Variants in NDUFA10 observed in about 807,000 individuals in gnomAD.
NDUFA10 encodes NADH dehydrogenase [ubiquinone] 1 alpha subcomplex subunit 10, mitochondrial.
Under a neutral mutation model 47.8 loss-of-function variants are expected in NDUFA10, and 40 were observed. The ratio of observed to expected loss-of-function variants is 0.84; its 90% CI spans 0.65 to 1.09. NDUFA10 has a LOEUF of 1.09. Among genes scored for constraint, NDUFA10 ranks in the 50% least tolerant of loss-of-function variants. The probability of loss-of-function intolerance (pLI) is 0.00; values close to 1 mark genes in which losing one functional copy is unlikely to be tolerated. For missense variants in NDUFA10, 413 were observed against 451.1 expected, an observed-to-expected ratio of 0.92 and a Z score of 0.76; for synonymous variants, 183 against 172.2, an observed-to-expected ratio of 1.06 and a Z score of -0.49.
intron 4 of NDUFA10, among the ~76,000 whole-genome samples, chr2:239,936,919 C>A (rs1287172702): frequency 6.6e-6 from 1 of 152,202 alleles, no homozygotes; most frequent in Non-Finnish European, 1.5e-5. Context: ...ACAGTCGCGC[C>A]ACTGGACTCC....
chr2:239,959,997 T>C lies in NDUFA10; in HGVS notation c.*1121A>G. 2 of 985,232 alleles carry C rather than the reference T, an allele frequency of 2.0e-6. No homozygotes were observed. The highest frequency in any genetic ancestry group is 1.7e-5 in the African/African-American group (1 of 57,378). The allele number at this position is 985,232 out of a possible 1,614,324, so 61.0% of individuals were successfully genotyped here. A position where few individuals can be genotyped will look rare whatever the true frequency, so the allele number is the denominator to read the frequency against. On this transcript the variant is annotated 3_prime_UTR_variant, in exon 10 of 10. Transcript: ENST00000252711. ...ACTGGAACTACTGCCCACAGGCGGCTGTGGAGTGCCTGAACTATGGCCAGT... is the reference window on the plus strand; with the variant it reads ...ACTGGAACTACTGCCCACAGGCGGCCGTGGAGTGCCTGAACTATGGCCAGT...
downstream of NDUFA10, among the ~76,000 whole-genome samples, chr2:239,953,768 T>C (rs1225848102): frequency 6.6e-6 from 1 of 152,198 alleles, no homozygotes; most frequent in Non-Finnish European, 1.5e-5. Context: ...GGCTGGAGGC[T>C]TCAAGGCTGT....
intron 4 of NDUFA10, among the ~76,000 whole-genome samples, chr2:239,915,977 C>A (rs986455976): frequency 2.7e-5 from 4 of 148,408 alleles, no homozygotes; most frequent in Admixed American, 1.3e-4. Context: ...CATACACACA[C>A]ACACACACCC....
At chr2:239,940,809 C>T (rs1356529276) in intron 4 of NDUFA10, among the ~76,000 whole-genome samples, 1 of 152,164 alleles carries the variant, frequency 6.6e-6, no homozygotes, top group Non-Finnish European at 1.5e-5. Context: ...CACTGGATTT[C>T]CACTATACAG....
At chr2:240,007,984 T>A (rs777825031) in intron 6 of NDUFA10, among the ~76,000 whole-genome samples, 3 of 152,228 alleles carry the variant, frequency 2.0e-5, no homozygotes, top group African/African-American at 4.8e-5. Flanking sequence ...ATGTACAAGC[T>A]ATTTATTCTC....
In NDUFA10 at chr2:240,024,999, G is replaced by A. The variant is rs138729575; in HGVS notation, c.75+228C>T. On this transcript the variant is annotated intron_variant, in intron 1 of 9. Coordinates refer to ENST00000252711, the MANE Select transcript of NDUFA10 (RefSeq NM_004544.4). The stretch of plus-strand genomic sequence containing the variant: ...GCCCTGATCACCTCCGCGCTCCAGC[G>A]TTTTGCTTAAAGCTGAGATAAAATG... Among the ~76,000 whole-genome samples the A allele has an allele frequency of 4.5e-3, 679 of 152,264 alleles. 2 individuals carry two copies. The highest frequency in any genetic ancestry group is 7.7e-3 in the Non-Finnish European group (521 of 68,014).
intron 4 of NDUFA10, among the ~76,000 whole-genome samples, chr2:239,914,938 GAC>G (rs1426966049): frequency 1.4e-5 from 2 of 142,420 alleles, no homozygotes; most frequent in African/African-American, 5.5e-5. Context: ...TACAGAGAGA[GAC>G]ACAGAGATAT....
At chr2:239,930,799 AGGG>A (rs929741558) in intron 4 of NDUFA10, among the ~76,000 whole-genome samples, 1 of 150,900 alleles carries the variant, frequency 6.6e-6, no homozygotes, top group African/African-American at 2.4e-5. Context: ...AGGGTCCAGG[AGGG>A]GTGTGGCAGG....
At chr2:240,014,519 G>T in intron 5 of NDUFA10, 1 of 636,446 alleles carries the variant, frequency 1.6e-6, no homozygotes, top group Non-Finnish European at 2.8e-6. Flanking sequence ...GGACCGCAGA[G>T]CACTGGTGGG....
At chr2:239,995,074 T>C (rs1696412112) in intron 8 of NDUFA10, among the ~76,000 whole-genome samples, 1 of 152,126 alleles carries the variant, frequency 6.6e-6, no homozygotes. Context: ...TAGGAGTTTG[T>C]GACTAGGTGG....
rs143565537 is a variant in NDUFA10 at position 240,006,320 on chromosome 2, A to G, written c.804+996T>C. ...TCTGAGTAGAATAAACCAAGGTCTC[A>G]AAAGAACTTTACAACTGGTAGTAGG... On this transcript the variant is annotated intron_variant, in intron 7 of 9. Coordinates refer to ENST00000252711, the MANE Select transcript of NDUFA10 (RefSeq NM_004544.4). 4.8e-3 allele frequency among the ~76,000 whole-genome samples: 726 copies of G among 152,342 alleles called. 9 individuals are homozygous for G. The highest frequency in any genetic ancestry group is 0.016 in the African/African-American group (680 of 41,576).
rs535533692 is a variant in NDUFA10, at chr2:240,016,036, A to T, written c.548-1176T>A. Among the ~76,000 whole-genome samples the T allele has an allele frequency of 2.6e-5, 4 of 152,260 alleles. No homozygotes were observed. The East Asian group carries it at 7.7e-4, about 29-fold the overall frequency. On this transcript the variant is annotated intron_variant, in intron 4 of 9. Coordinates refer to ENST00000252711, the MANE Select transcript of NDUFA10 (RefSeq NM_004544.4). This position sits in a 1 kb window ranked among gnomAD's most constrained non-coding sequence, Gnocchi z 4.4. ...GCCAGTCTCCTAACCTAGTCTCAAA[A>T]TAAATAAATAAAAATTTTAAAAATT...
At chr2:240,009,078 C>A (rs764013597) in intron 6 of NDUFA10, among the ~76,000 whole-genome samples, 1 of 152,134 alleles carries the variant, frequency 6.6e-6, no homozygotes, top group African/African-American at 2.4e-5. Context: ...TAGCTCAGGG[C>A]CGAGGAGAGC....
At chr2:239,956,925 A>C (rs555220441), downstream of NDUFA10, among the ~76,000 whole-genome samples, 30 of 151,512 alleles carry the variant, frequency 2.0e-4, no homozygotes, top group African/African-American at 7.3e-4. Flanking sequence ...GTCGACAGTC[A>C]CTGCAGGTCC....
chr2:239,944,060 G>T (rs1279090751), intron 4 of NDUFA10, among the ~76,000 whole-genome samples: 3 of 152,192 alleles, frequency 2.0e-5, no homozygotes, highest in Non-Finnish European at 2.9e-5. Flanking sequence ...CGGCCACCTG[G>T]CTAGTCCTGT....
At chr2:239,968,282 G>A (rs1695165118) in intron 9 of NDUFA10, among the ~76,000 whole-genome samples, 1 of 152,178 alleles carries the variant, frequency 6.6e-6, no homozygotes, top group Non-Finnish European at 1.5e-5. Context: ...GGAGGGAGGA[G>A]GCAGCAAATG....
At chr2:239,893,771 G>A (rs908883886) in intron 5 of NDUFA10, among the ~76,000 whole-genome samples, 1 of 152,210 alleles carries the variant, frequency 6.6e-6, no homozygotes, top group African/African-American at 2.4e-5. Flanking sequence ...ACCACGCAGT[G>A]GGAGTGGGAA....
chr2:239,920,749 T>C (rs1047506930), intron 4 of NDUFA10, among the ~76,000 whole-genome samples: 4 of 152,130 alleles, frequency 2.6e-5, no homozygotes, highest in Non-Finnish European at 5.9e-5. Context: ...CGCTGTGGTT[T>C]TGTTTCTTGC....
At chr2:239,942,662 G>GCA (rs1264920739) in intron 4 of NDUFA10, among the ~76,000 whole-genome samples, 1 of 151,494 alleles carries the variant, frequency 6.6e-6, no homozygotes, top group African/African-American at 2.4e-5. Flanking sequence ...TCTGCCTTCC[G>GCA]CATGTTTATC....
Sources: allele counts gnomAD v4.1 joint callset (sites outside exome capture counted in the v4.1 genomes callset), GRCh38; gene constraint gnomAD v4.1.1; non-coding constraint Gnocchi (gnomAD v3.1); transcripts MANE v1.5; gene names NCBI Gene and HGNC (gene_info 2026-07-23, HGNC 2026-07-21).